SLC25A48: variants seen among roughly 807,000 people sequenced by gnomAD.
The protein encoded by SLC25A48 is solute carrier family 25 member 48, also known as CTC-321K16.1.
SLC25A48 carries 29 observed loss-of-function variants against 32.2 expected under a neutral mutation model. That is an observed-to-expected ratio of 0.90 (90% confidence interval 0.67 to 1.23). SLC25A48 has a LOEUF of 1.23. SLC25A48 is among the 50% of genes most tolerant of loss of function. The probability of loss-of-function intolerance (pLI) is 0.00; values close to 1 mark genes in which losing one functional copy is unlikely to be tolerated. For synonymous variants in SLC25A48, 164 were observed against 172.3 expected (o/e 0.95, Z 0.38); for missense variants, 399 against 422.7 (o/e 0.94, Z 0.49).
chr5:135,646,111 A>G (rs1752953103), intron 3 of SLC25A48, among the ~76,000 whole-genome samples: 1 of 152,236 alleles, frequency 6.6e-6, no homozygotes, highest in African/African-American at 2.4e-5. Context: ...ATTTTCCCTT[A>G]GTAAGCTTCT....
intron 4 of SLC25A48, among the ~76,000 whole-genome samples, chr5:135,819,495 A>G (rs1328850305): frequency 6.6e-6 from 1 of 152,246 alleles, no homozygotes; most frequent in Non-Finnish European, 1.5e-5. Context: ...AAGAGAAATC[A>G]TACAAAAGCA....
intron 1 of SLC25A48, among the ~76,000 whole-genome samples, chr5:135,600,133 G>A (rs1751760092): frequency 6.6e-6 from 1 of 152,172 alleles, no homozygotes; most frequent in Non-Finnish European, 1.5e-5. Context: ...TGTGTCTTTG[G>A]GTGTGGTTTT....
At chr5:135,724,022 A>C (rs1755031456) in intron 3 of SLC25A48, among the ~76,000 whole-genome samples, 1 of 152,202 alleles carries the variant, frequency 6.6e-6, no homozygotes, top group Non-Finnish European at 1.5e-5. Flanking sequence ...TTGTTTTCTA[A>C]GGAGGCTCAA....
intron 3 of SLC25A48, among the ~76,000 whole-genome samples, chr5:135,794,398 T>G (rs1757112611): frequency 6.6e-6 from 1 of 151,890 alleles, no homozygotes; most frequent in South Asian, 2.1e-4. Flanking sequence ...GAGGAGATGA[T>G]GATATCACTG....
chr5:135,789,417 G>C (rs72791342), intron 3 of SLC25A48, among the ~76,000 whole-genome samples: 8,928 of 151,464 alleles, frequency 0.059, 368 homozygotes, highest in Middle Eastern at 0.13. Context: ...GGTGGCCGGG[G>C]TGTATACCCC....
At chr5:135,688,751 C>A (rs1754076184) in intron 3 of SLC25A48, among the ~76,000 whole-genome samples, 1 of 152,202 alleles carries the variant, frequency 6.6e-6, no homozygotes, top group South Asian at 2.1e-4. Context: ...CTAGCTGCCA[C>A]TGGTGCAGAG....
Position 135,760,594 on chromosome 5 carries a change from T to G in SLC25A48, c.-520-51929T>G, listed in dbSNP as rs534593975. ...TGTCTGGGACCTTGCTCAGCTGGGC[T>G]CCAGGTCAGCTGCTGGAGTGATCTG... On this transcript the variant is annotated intron_variant, in intron 3 of 10. Coordinates refer to the SLC25A48 transcript ENST00000646290. 2.0e-5 allele frequency among the ~76,000 whole-genome samples: 3 copies of G among 152,294 alleles called. No homozygotes were observed. In the East Asian group the frequency reaches 5.8e-4, roughly 29 times the overall value.
chr5:135,831,216 A>G (rs714091), upstream of SLC25A48, among the ~76,000 whole-genome samples: 28,835 of 152,134 alleles, frequency 0.19, 2,904 homozygotes, highest in Middle Eastern at 0.25. Flanking sequence ...ACACCTGGGA[A>G]TGATGTGACC....
intron 3 of SLC25A48, among the ~76,000 whole-genome samples, chr5:135,702,439 C>T (rs868072216): frequency 2.0e-5 from 3 of 152,300 alleles, no homozygotes; most frequent in African/African-American, 7.2e-5. Context: ...TTGCCAGCAC[C>T]CACCAGAAGG....
At chr5:135,844,858 C>T (rs1355084559) in intron 2 of SLC25A48, among the ~76,000 whole-genome samples, 1 of 152,148 alleles carries the variant, frequency 6.6e-6, no homozygotes, top group African/African-American at 2.4e-5. Context: ...CATGCTCAGT[C>T]CCTGACCATG....
chr5:135,589,223 G>A (rs1247126764), intron 1 of SLC25A48, among the ~76,000 whole-genome samples: 2 of 152,234 alleles, frequency 1.3e-5, no homozygotes, highest in African/African-American at 4.8e-5. Context: ...TTTATGAAAT[G>A]TGAACAACTT....
intron 3 of SLC25A48, among the ~76,000 whole-genome samples, chr5:135,662,408 G>A (rs1171226697): frequency 1.3e-5 from 2 of 152,198 alleles, no homozygotes; most frequent in African/African-American, 4.8e-5. Flanking sequence ...TTGGAAGAAA[G>A]AAGAAAGCTT....
intron 3 of SLC25A48, among the ~76,000 whole-genome samples, chr5:135,666,200 G>A (rs897510630): frequency 1.1e-4 from 17 of 152,138 alleles, no homozygotes; most frequent in African/African-American, 3.6e-4. Flanking sequence ...ATAACTTCAC[G>A]TCTCAGTGTC....
rs150278934 is a variant in SLC25A48 at position 135,744,727 on chromosome 5, C to T, written c.-520-67796C>T. ...ACATGGACCCAAGAATCAAACCCAA[C>T]TCTCTCTTTGAACTCCTTCAAGATT... is the stretch of plus-strand genomic sequence containing the variant. On this transcript the variant is annotated intron_variant, in intron 3 of 10. Coordinates refer to the SLC25A48 transcript ENST00000646290. Among the ~76,000 whole-genome samples, 210 of 152,262 alleles carry T rather than the reference C, an allele frequency of 1.4e-3. 1 individual carries two copies. Among genetic ancestry groups the T allele is most frequent in the African/African-American group, 5.0e-3 (207 of 41,552 alleles).
At chr5:135,669,217 C>T (rs1221102244) in intron 3 of SLC25A48, among the ~76,000 whole-genome samples, 5 of 152,144 alleles carry the variant, frequency 3.3e-5, no homozygotes, top group Admixed American at 3.3e-4. Context: ...TAAATCCAGA[C>T]CTGTCTTCTC....
chr5:135,776,559 G>T (rs1756567572), intron 3 of SLC25A48, among the ~76,000 whole-genome samples: 1 of 149,586 alleles, frequency 6.7e-6, no homozygotes, highest in Non-Finnish European at 1.5e-5. Context: ...CCCCTTCTGT[G>T]ATATTGTTCT....
intron 6 of SLC25A48, chr5:135,874,522 C>T: frequency 3.6e-6 from 2 of 562,770 alleles, no homozygotes; most frequent in Non-Finnish European, 6.3e-6. Flanking sequence ...CTTCCCCACT[C>T]CTCCTCCCAG....
At chr5:135,802,981 A>AG (rs764979623) in intron 3 of SLC25A48, 45 of 151,534 alleles carry the variant, frequency 3.0e-4, no homozygotes, top group East Asian at 1.2e-3. Context: ...ATATCACAGT[A>AG]GGGTACAACA....
At chr5:135,698,230 G>A (rs1469950695) in intron 3 of SLC25A48, among the ~76,000 whole-genome samples, 1 of 152,214 alleles carries the variant, frequency 6.6e-6, no homozygotes, top group Non-Finnish European at 1.5e-5. Flanking sequence ...GACCTGCTAT[G>A]GTTCTCATGG....
Sources: gnomAD v4.1 joint callset for allele counts (sites outside exome capture counted in the v4.1 genomes callset) on GRCh38, gnomAD v4.1.1 for gene constraint, MANE v1.5 for transcripts, NCBI Gene and HGNC (gene_info 2026-07-23, HGNC 2026-07-21) for gene names.